Variants in GRID2 observed in about 807,000 individuals in gnomAD.
GRID2 encodes the protein glutamate ionotropic receptor delta type subunit 2.
GRID2 carries 33 observed loss-of-function variants against 114.8 expected under a neutral mutation model. The ratio of observed to expected loss-of-function variants is 0.29; its 90% CI spans 0.22 to 0.38. GRID2 has a LOEUF of 0.38. Among genes scored for constraint, GRID2 ranks in the 10% least tolerant of loss-of-function variants. The pLI is 1.00. For missense variants in GRID2, 1,184 were observed against 1,257.7 expected (o/e 0.94, Z 0.89); for synonymous variants, 505 against 449.9 (o/e 1.12, Z -1.55).
At chr4:93,073,709 C>T (rs1253237041) in intron 2 of GRID2, among the ~76,000 whole-genome samples, 2 of 152,144 alleles carry the variant, frequency 1.3e-5, no homozygotes, top group African/African-American at 4.8e-5. Context: ...CCTATTGCTA[C>T]TGGTAAAGAC....
chr4:92,467,790 A>G (rs1182511909), intron 1 of GRID2, among the ~76,000 whole-genome samples: 2 of 152,070 alleles, frequency 1.3e-5, no homozygotes, highest in Non-Finnish European at 2.9e-5. Flanking sequence ...TCCAGGTTTA[A>G]TATTGGGAAT....
At chr4:92,713,228 T>G (rs2149311323) in intron 2 of GRID2, among the ~76,000 whole-genome samples, 1 of 151,382 alleles carries the variant, frequency 6.6e-6, no homozygotes, top group South Asian at 2.1e-4. Flanking sequence ...CTAACAAGAT[T>G]TGGTAGTGTT....
intron 1 of GRID2, among the ~76,000 whole-genome samples, chr4:92,382,035 G>T (rs1729642946): frequency 6.6e-6 from 1 of 151,826 alleles, no homozygotes. Context: ...TGTAATTGCT[G>T]TATGTCAGTG....
At chr4:92,623,685 T>C (rs1481340415) in intron 2 of GRID2, among the ~76,000 whole-genome samples, 1 of 151,708 alleles carries the variant, frequency 6.6e-6, no homozygotes, top group African/African-American at 2.4e-5. Context: ...TCTGCTATGA[T>C]TATCCTGGAG....
intron 1 of GRID2, among the ~76,000 whole-genome samples, chr4:93,782,375 G>T (rs1457335171): frequency 6.6e-6 from 1 of 152,062 alleles, no homozygotes; most frequent in Non-Finnish European, 1.5e-5. Context: ...CAATATACTT[G>T]ACACTACAAA....
At chr4:92,851,554 A>G (rs1743795508) in intron 2 of GRID2, among the ~76,000 whole-genome samples, 1 of 152,004 alleles carries the variant, frequency 6.6e-6, no homozygotes, top group Non-Finnish European at 1.5e-5. Flanking sequence ...TAAGAATCTC[A>G]AAAATGTAAT....
chr4:92,894,168 G>A lies in GRID2; in HGVS notation c.245-190827G>A, dbSNP rs556070872. Among the ~76,000 whole-genome samples, 43 of 152,208 alleles carry A rather than the reference G, an allele frequency of 2.8e-4. 1 individual carries two copies. In the South Asian group the frequency reaches 4.4e-3, roughly 15 times the overall value. The stretch of plus-strand genomic sequence containing the variant: ...TTTGTCCACATGGTAGAGAAATATG[G>A]ACCAAAGTACATTCATAAGGTTGAT... On this transcript the variant is annotated intron_variant, in intron 2 of 15. Coordinates refer to ENST00000282020, the MANE Select transcript of GRID2 (RefSeq NM_001510.4).
intron 14 of GRID2, among the ~76,000 whole-genome samples, chr4:93,724,841 A>G (rs1729700826): frequency 6.6e-6 from 1 of 152,012 alleles, no homozygotes; most frequent in South Asian, 2.1e-4. Flanking sequence ...GTGCAGCGGC[A>G]TGATCTCAGC....
chr4:92,597,622 G>A (rs554676013), intron 2 of GRID2, among the ~76,000 whole-genome samples: 2 of 152,232 alleles, frequency 1.3e-5, no homozygotes, highest in East Asian at 3.9e-4. Context: ...TGTTGTCTGT[G>A]TTCTTTCTTC....
At chr4:93,217,059 AG>A (rs1421220406) in intron 6 of GRID2, 148 bp downstream of exon 6, 4 of 517,764 alleles carry the variant, frequency 7.7e-6, no homozygotes, top group African/African-American at 1.9e-5. Context: ...ATGGGGAGAA[AG>A]TGCTAAGAAT....
chr4:92,950,703 AATT>A (rs1410119982), intron 2 of GRID2, among the ~76,000 whole-genome samples: 1 of 152,158 alleles, frequency 6.6e-6, no homozygotes, highest in African/African-American at 2.4e-5. Flanking sequence ...ATTGGTCCTT[AATT>A]TTGTCTTTAC....
At position 93,305,211 on chromosome 4, in the gene GRID2, C is replaced by T. The variant is rs369417064; in HGVS notation, c.1245+66721C>T. On this transcript the variant is annotated intron_variant, in intron 8 of 15. Coordinates refer to ENST00000282020, the MANE Select transcript of GRID2 (RefSeq NM_001510.4). Reference sequence around the variant, plus strand: ...AAATGACAGCTGTAGCTAAGAGCACCTTTCTCCTCTAAAGCTGACTGCAGA... The same window carrying T: ...AAATGACAGCTGTAGCTAAGAGCACTTTTCTCCTCTAAAGCTGACTGCAGA... 6.6e-5 allele frequency among the ~76,000 whole-genome samples: 10 copies of T among 152,234 alleles called. No homozygotes were observed. The East Asian group carries it at 1.9e-3, about 29-fold the overall frequency.
At chr4:93,505,329 T>G (rs1489712838) in intron 12 of GRID2, among the ~76,000 whole-genome samples, 2 of 152,058 alleles carry the variant, frequency 1.3e-5, no homozygotes, top group African/African-American at 2.4e-5. Flanking sequence ...CTGAAATCTA[T>G]TGCATTATTT....
intron 4 of GRID2, among the ~76,000 whole-genome samples, chr4:93,113,192 C>G (rs1732928731): frequency 6.6e-6 from 1 of 152,170 alleles, no homozygotes; most frequent in Non-Finnish European, 1.5e-5. Context: ...ATAGTACTTA[C>G]TATCTTCTTA....
chr4:92,800,698 AG>A (rs1740109768), intron 2 of GRID2, among the ~76,000 whole-genome samples: 1 of 151,926 alleles, frequency 6.6e-6, no homozygotes, highest in Non-Finnish European at 1.5e-5. Flanking sequence ...GGTACAGGGG[AG>A]AAAAAAAATT....
chr4:92,370,839 G>GGGT (rs1427019460), intron 1 of GRID2, among the ~76,000 whole-genome samples: 3 of 152,150 alleles, frequency 2.0e-5, no homozygotes, highest in East Asian at 3.9e-4. Flanking sequence ...GGTTACCAAA[G>GGGT]GGTGGGCCTG....
At chr4:92,403,170 T>C (rs913673711) in intron 1 of GRID2, among the ~76,000 whole-genome samples, 3 of 152,222 alleles carry the variant, frequency 2.0e-5, no homozygotes, top group African/African-American at 7.2e-5. Flanking sequence ...CTTAAGAGAA[T>C]GTGTGGCTGG....
chr4:93,638,165 A>G (rs1232527313), intron 14 of GRID2, among the ~76,000 whole-genome samples: 1 of 152,066 alleles, frequency 6.6e-6, no homozygotes, highest in African/African-American at 2.4e-5. Context: ...TACTTTTTTC[A>G]TAATAATCCA....
Position 93,806,432 on chromosome 4 carries a change from G to T in GRID2, c.222-283G>T, listed in dbSNP as rs114695689. On this transcript the variant is annotated intron_variant, in intron 1 of 1. Coordinates refer to the GRID2 transcript ENST00000637838. Reference sequence around the variant, plus strand: ...TCCTTATCCACTCTAAACTACCAAAGTATCCTAATCCAGACCTGGATGAAC... The same window carrying T: ...TCCTTATCCACTCTAAACTACCAAATTATCCTAATCCAGACCTGGATGAAC... Among the ~76,000 whole-genome samples, 470 of 152,256 alleles carry T rather than the reference G, an allele frequency of 3.1e-3. 4 individuals are homozygous for T. Among genetic ancestry groups the T allele is most frequent in the African/African-American group, 0.011 (452 of 41,562 alleles).
Sources: gnomAD v4.1 joint callset for allele counts (sites outside exome capture counted in the v4.1 genomes callset) on GRCh38, gnomAD v4.1.1 for gene constraint, MANE v1.5 for transcripts, NCBI Gene and HGNC (gene_info 2026-07-23, HGNC 2026-07-21) for gene names.